RGS9: variants seen among roughly 807,000 people sequenced by gnomAD.
RGS9 encodes regulator of G-protein signalling 9.
RGS9 carries 78 observed loss-of-function variants against 102.0 expected under a neutral mutation model. The observed-to-expected ratio is 0.76, with a 90% CI of 0.64 to 0.92. RGS9 has a LOEUF of 0.92. Among genes scored for constraint, RGS9 ranks in the 40% least tolerant of loss-of-function variants. RGS9 has a pLI of 0.00. For synonymous variants in RGS9, 353 were observed against 318.6 expected (o/e 1.11, Z -1.15); for missense variants, 833 against 866.1 (o/e 0.96, Z 0.48).
Position 65,163,046 on chromosome 17 carries a change from T to G in RGS9, c.457T>G (p.Tyr153Asp), listed in dbSNP as rs1162128422. The change falls in exon 7 of 19, where the codon TAT (tyrosine) becomes GAT (aspartate). Residue 153 changes from tyrosine (Y) to aspartate (D), a missense_variant. Tyr to Asp is a radical substitution (Grantham distance 160). Coordinates refer to ENST00000262406, the MANE Select transcript of RGS9 (RefSeq NM_003835.4). ...CAATTTCTTGAACCAAAAAATGAAC[T>G]ATAAGTGGGACTTTGTCATTATGCA... ...NYNFLNQKMNYKWDFVIMQAK... is the reference protein window; with the variant it reads ...NYNFLNQKMNDKWDFVIMQAK... 7 of 1,603,900 alleles carry G rather than the reference T, an allele frequency of 4.4e-6. No homozygotes were observed. Among genetic ancestry groups the G allele is most frequent in the Non-Finnish European group, 6.0e-6 (7 of 1,171,202 alleles).
chr17:65,204,072 T>A (rs1340252905), intron 14 of RGS9, 91 bp from the exon 15 acceptor site: 2 of 1,491,082 alleles, frequency 1.3e-6, no homozygotes, highest in Non-Finnish European at 1.9e-6. Context: ...GGTAACCGAT[T>A]CGTATCAGTC....
At chr17:65,175,290 TGA>T (rs1447150066) in intron 8 of RGS9, among the ~76,000 whole-genome samples, 2 of 152,042 alleles carry the variant, frequency 1.3e-5, no homozygotes, top group African/African-American at 4.8e-5. Context: ...AGTGTGAGTG[TGA>T]GAGTGTGTGA....
chr17:65,189,402 A>G, intron 10 of RGS9, 87 bp downstream of exon 10: 5 of 1,031,512 alleles, frequency 4.8e-6, no homozygotes, highest in Non-Finnish European at 7.7e-6. Context: ...GCGCTTGGTA[A>G]TGAAATGAAA....
chr17:65,217,896 T>C (rs918913039), intron 17 of RGS9, among the ~76,000 whole-genome samples: 22 of 152,262 alleles, frequency 1.4e-4, no homozygotes, highest in African/African-American at 5.3e-4. Flanking sequence ...TAAGGTAAGA[T>C]CAATTTTAAT....
chr17:65,139,096 CAG>C (rs1567854919), intron 1 of RGS9, among the ~76,000 whole-genome samples: 103 of 10,842 alleles, frequency 9.5e-3, no homozygotes, highest in Non-Finnish European at 0.033. Flanking sequence ...TCCTCCACCC[CAG>C]CTCTCCCCCC....
intron 16 of RGS9, among the ~76,000 whole-genome samples, chr17:65,208,430 T>G (rs1282782009): frequency 1.3e-5 from 2 of 152,136 alleles, no homozygotes; most frequent in African/African-American, 4.8e-5. Context: ...AAATGCTCAG[T>G]GAAGGGGAAA....
chr17:65,208,526 T>C (rs1235510621), intron 16 of RGS9, among the ~76,000 whole-genome samples: 2 of 152,316 alleles, frequency 1.3e-5, no homozygotes, highest in African/African-American at 2.4e-5. Context: ...ACTTTTCTCA[T>C]TGGAGATGTG....
chr17:65,189,059 A>C, intron 9 of RGS9: 2 of 589,588 alleles, frequency 3.4e-6, no homozygotes, highest in Non-Finnish European at 6.0e-6. Flanking sequence ...GCAAAGTTAC[A>C]GTGGTAAATT....
chr17:65,215,470 C>CTT (rs1567893076), intron 17 of RGS9, among the ~76,000 whole-genome samples: 42 of 147,048 alleles, frequency 2.9e-4, no homozygotes, highest in African/African-American at 1.0e-3. Context: ...TTCTTTCTTT[C>CTT]TTTCTCTATC....
At chr17:65,172,658 G>T (rs912842547) in intron 8 of RGS9, among the ~76,000 whole-genome samples, 8 of 152,174 alleles carry the variant, frequency 5.3e-5, no homozygotes, top group African/African-American at 1.9e-4. Flanking sequence ...GACAGACATT[G>T]CCCGTGACCT....
At chr17:65,180,177 G>A (rs1911817431) in intron 9 of RGS9, 3 of 152,136 alleles carry the variant, frequency 2.0e-5, no homozygotes, top group South Asian at 2.1e-4. Flanking sequence ...CTGTGTTCCC[G>A]GGTTAATCTG....
chr17:65,192,853 A>T (rs1397261715), intron 11 of RGS9, among the ~76,000 whole-genome samples: 1 of 152,078 alleles, frequency 6.6e-6, no homozygotes, highest in African/African-American at 2.4e-5. Context: ...AGAGTCTTGG[A>T]GTCTGTGGCA....
At chr17:65,181,379 G>A (rs1310591036) in intron 9 of RGS9, among the ~76,000 whole-genome samples, 2 of 152,094 alleles carry the variant, frequency 1.3e-5, no homozygotes, top group Middle Eastern at 3.2e-3. Context: ...TTTGCATTTC[G>A]AGAATGAGTA....
At chr17:65,158,754 G>A (rs1910869345) in intron 3 of RGS9, 1 of 334,632 alleles carries the variant, frequency 3.0e-6, no homozygotes, top group Non-Finnish European at 5.8e-6. Context: ...GAGATTGAGA[G>A]TCATGGCTCC....
At chr17:65,213,614 T>C in intron 17 of RGS9, among the ~76,000 whole-genome samples, 1 of 152,070 alleles carries the variant, frequency 6.6e-6, no homozygotes, top group East Asian at 1.9e-4. Flanking sequence ...TTGTGGCTTC[T>C]ACAGGGCACA....
chr17:65,202,628 C>T (rs993104109), intron 14 of RGS9, among the ~76,000 whole-genome samples: 3 of 152,136 alleles, frequency 2.0e-5, no homozygotes, highest in East Asian at 1.9e-4. Context: ...CCTGACATCA[C>T]GGCTCCAGCC....
intron 9 of RGS9, chr17:65,188,713 G>A (rs1912232716): frequency 6.2e-6 from 1 of 162,060 alleles, no homozygotes; most frequent in East Asian, 1.7e-4. Context: ...CCTGGGATCA[G>A]GCAACCCTCT....
intron 8 of RGS9, among the ~76,000 whole-genome samples, chr17:65,169,959 T>G (rs1911349113): frequency 6.6e-6 from 1 of 151,422 alleles, no homozygotes; most frequent in African/African-American, 2.4e-5. Flanking sequence ...ATTGTCTTCA[T>G]CACTGTGGTC....
intron 1 of RGS9, among the ~76,000 whole-genome samples, chr17:65,143,641 C>T (rs369012813): frequency 4.1e-4 from 62 of 151,708 alleles, no homozygotes; most frequent in African/African-American, 1.4e-3. Context: ...CACACACACA[C>T]AAATGAGCTG....
Sources: gnomAD v4.1 joint callset for allele counts (sites outside exome capture counted in the v4.1 genomes callset) on GRCh38, gnomAD v4.1.1 for gene constraint, MANE v1.5 for transcripts, NCBI Gene and HGNC (gene_info 2026-07-23, HGNC 2026-07-21) for gene names.